The following RALGPS1 variants were observed in gnomAD, a reference collection of about 807,000 sequenced individuals.
RALGPS1 encodes the protein ras-specific guanine nucleotide-releasing factor RalGPS1.
In RALGPS1, 19 loss-of-function variants were observed where a neutral mutation model predicts 78.8. That is an observed-to-expected ratio of 0.24 (90% CI 0.17 to 0.35). The LOEUF (loss-of-function observed/expected upper bound fraction) is 0.35. Ranked by LOEUF, RALGPS1 falls within the 10% of genes least tolerant of loss-of-function variation. The probability of loss-of-function intolerance (pLI) is 1.00; values close to 1 mark genes in which losing one functional copy is unlikely to be tolerated. For synonymous variants in RALGPS1, 228 were observed against 256.3 expected (o/e 0.89, Z 1.06); for missense variants, 454 against 688.3 (o/e 0.66, Z 3.81).
chr9:126,942,326 C>A (rs146273922), intron 1 of RALGPS1, among the ~76,000 whole-genome samples: 2 of 150,968 alleles, frequency 1.3e-5, no homozygotes, highest in African/African-American at 2.4e-5. Context: ...AAAATTTGAT[C>A]TGTGTTTTCT....
chr9:126,936,908 C>T (rs1407724532), intron 1 of RALGPS1, among the ~76,000 whole-genome samples: 1 of 150,216 alleles, frequency 6.7e-6, no homozygotes, highest in Non-Finnish European at 1.5e-5. Context: ...AGTACAGTGG[C>T]ATGATACTGT....
intron 10 of RALGPS1, among the ~76,000 whole-genome samples, chr9:127,174,216 A>G (rs915860187): frequency 2.0e-5 from 3 of 151,780 alleles, no homozygotes; most frequent in Admixed American, 6.6e-5. Flanking sequence ...AGACTCCATC[A>G]AAAGAAAGAA....
At chr9:127,009,122 G>C (rs1172605278) in intron 4 of RALGPS1, among the ~76,000 whole-genome samples, 1 of 152,196 alleles carries the variant, frequency 6.6e-6, no homozygotes, top group Non-Finnish European at 1.5e-5. Flanking sequence ...CTGTCTTATA[G>C]AACATTAGGG....
intron 1 of RALGPS1, among the ~76,000 whole-genome samples, chr9:126,932,352 C>T (rs2035870211): frequency 6.6e-6 from 1 of 152,196 alleles, no homozygotes; most frequent in East Asian, 1.9e-4. Flanking sequence ...TGAACATATA[C>T]ATACCTTATG....
chr9:127,173,411 C>T (rs1289997326), intron 10 of RALGPS1, among the ~76,000 whole-genome samples: 1 of 152,214 alleles, frequency 6.6e-6, no homozygotes, highest in African/African-American at 2.4e-5. Flanking sequence ...ACTCTTGGTC[C>T]AGTTTCAGAA....
chr9:127,011,183 CCTT>C (rs1311676876), intron 4 of RALGPS1, among the ~76,000 whole-genome samples: 1 of 151,892 alleles, frequency 6.6e-6, no homozygotes. Flanking sequence ...CCCCAGCCCG[CCTT>C]TTTTTTTTGA....
rs1589421846 is a variant in RALGPS1, at chr9:127,092,027, G to C, written c.610+22671G>C. 62 of 1,513,226 alleles carry C rather than the reference G, an allele frequency of 4.1e-5. No homozygotes were observed. In the South Asian group the frequency reaches 7.7e-4, roughly 19 times the overall value. 93.7% of individuals were successfully genotyped at this position (1,513,226 alleles called of 1,614,324 possible). ...GCTGTCAGACACTCAGCCCTGGATA[G>C]AGGGGCCTGGGAAACAAGCAGAGCA... is the stretch of plus-strand genomic sequence containing the variant. On this transcript the variant is annotated intron_variant, in intron 8 of 18. Transcript: ENST00000259351.
intron 4 of RALGPS1, chr9:126,990,250 C>A: frequency 2.0e-6 from 1 of 489,032 alleles, no homozygotes; most frequent in Non-Finnish European, 3.7e-6. Flanking sequence ...CTCAGACCAT[C>A]TCTCTCTGCT....
chr9:127,156,327 G>A (rs1306329145), intron 8 of RALGPS1, among the ~76,000 whole-genome samples: 34 of 152,164 alleles, frequency 2.2e-4, no homozygotes, highest in Admixed American at 1.2e-3. Context: ...TGGAATTACT[G>A]GGTCCTAGAA....
chr9:127,051,827 A>G (rs1237596429), intron 6 of RALGPS1, among the ~76,000 whole-genome samples: 2 of 152,212 alleles, frequency 1.3e-5, no homozygotes, highest in Non-Finnish European at 2.9e-5. Flanking sequence ...GAGAGAGGCA[A>G]GTAAAAAGCA....
rs376246393 is a variant in RALGPS1 at position 127,108,389 on chromosome 9, C to T, written c.610+39033C>T. 8 of 1,608,958 alleles carry T rather than the reference C, an allele frequency of 5.0e-6. No homozygotes were observed. Among genetic ancestry groups the T allele is most frequent in the South Asian group, 3.3e-5 (3 of 90,872 alleles). On this transcript the variant is annotated intron_variant, in intron 8 of 18. Coordinates refer to ENST00000259351, the MANE Select transcript of RALGPS1 (RefSeq NM_014636.3). ...AGCAGCTTCACCTCGCTCACAATGC[C>T]GCCGTCCACCTCCACCAGCTGCTGC...
chr9:127,043,956 G>A (rs760349492), intron 5 of RALGPS1, among the ~76,000 whole-genome samples: 9 of 152,218 alleles, frequency 5.9e-5, no homozygotes, highest in Non-Finnish European at 1.0e-4. Flanking sequence ...AAGATCTGAA[G>A]CAACACAAAC....
intron 4 of RALGPS1, among the ~76,000 whole-genome samples, chr9:126,999,145 T>G (rs1346696019): frequency 6.6e-6 from 1 of 150,906 alleles, no homozygotes; most frequent in African/African-American, 2.5e-5. Context: ...TGTGCACATG[T>G]ACCCTAAAAC....
intron 7 of RALGPS1, among the ~76,000 whole-genome samples, chr9:127,058,428 G>A (rs1179808263): frequency 6.6e-6 from 1 of 152,158 alleles, no homozygotes; most frequent in Admixed American, 6.5e-5. Context: ...GAAACTGGGG[G>A]CCTACTCAGC....
chr9:126,973,960 CCT>C (rs2040364018), intron 3 of RALGPS1, among the ~76,000 whole-genome samples: 3 of 152,156 alleles, frequency 2.0e-5, no homozygotes, highest in Non-Finnish European at 1.5e-5. Flanking sequence ...GCAACCCACT[CCT>C]CTCGGGTTCA....
At chr9:126,974,362 C>G (rs2040406665) in intron 3 of RALGPS1, among the ~76,000 whole-genome samples, 1 of 152,142 alleles carries the variant, frequency 6.6e-6, no homozygotes, top group South Asian at 2.1e-4. Context: ...TTACTCTGTT[C>G]TGTGCGCCCT....
chr9:127,178,372 C>T, intron 11 of RALGPS1: 9 of 769,512 alleles, frequency 1.2e-5, no homozygotes, highest in Non-Finnish European at 1.5e-5. Context: ...ACTCAGCATA[C>T]TGCCAAGCCT....
chr9:127,150,595 T>G (rs1004940024), intron 8 of RALGPS1, among the ~76,000 whole-genome samples: 1 of 152,222 alleles, frequency 6.6e-6, no homozygotes, highest in Non-Finnish European at 1.5e-5. Context: ...CTTCCTGCAT[T>G]TGAGATGCTC....
chr9:127,055,911 C>T (rs1035268847), intron 7 of RALGPS1, among the ~76,000 whole-genome samples: 2 of 152,196 alleles, frequency 1.3e-5, no homozygotes, highest in African/African-American at 4.8e-5. Flanking sequence ...CTGCTGCTGG[C>T]CTGGCACCTG....
Sources: allele counts gnomAD v4.1 joint callset (sites outside exome capture counted in the v4.1 genomes callset), GRCh38; gene constraint gnomAD v4.1.1; transcripts MANE v1.5; gene names NCBI Gene and HGNC (gene_info 2026-07-23, HGNC 2026-07-21).